Variants in DNAAF9 observed in about 807,000 individuals in gnomAD.
DNAAF9 encodes dynein axonemal assembly factor 9.
A neutral mutation model predicts 167.0 loss-of-function variants in DNAAF9; 90 were observed. The observed-to-expected ratio is 0.54, with a 90% confidence interval of 0.45 to 0.64. The LOEUF is 0.64. DNAAF9 is among the 30% of genes least tolerant of loss of function. DNAAF9 has a pLI of 0.00. For synonymous variants in DNAAF9, 491 were observed against 508.8 expected, an observed-to-expected ratio of 0.96 and a Z score of 0.47; for missense variants, 1,315 against 1,442.2, an observed-to-expected ratio of 0.91 and a Z score of 1.43.
At chr20:3,258,248 G>GGGCT (rs1204630789) in intron 33 of DNAAF9, among the ~76,000 whole-genome samples, 1 of 152,178 alleles carries the variant, frequency 6.6e-6, no homozygotes, top group African/African-American at 2.4e-5. Flanking sequence ...GAAGCAGCAG[G>GGGCT]GGCTGGCTGT....
chr20:3,259,419 T>G (rs1471206071), intron 33 of DNAAF9, 61 bp downstream of exon 33: 1 of 1,061,596 alleles, frequency 9.4e-7, no homozygotes, highest in East Asian at 2.4e-5. Flanking sequence ...GGCTCTGAAC[T>G]CACATCATGA....
chr20:3,354,906 G>T (rs2083263560), intron 7 of DNAAF9, among the ~76,000 whole-genome samples: 1 of 152,146 alleles, frequency 6.6e-6, no homozygotes, highest in Non-Finnish European at 1.5e-5. Flanking sequence ...TACAGCCCAT[G>T]GTGATCACCA....
At chr20:3,264,375 GTAAA>G in intron 31 of DNAAF9, 59 bp downstream of exon 31, 2 of 769,702 alleles carry the variant, frequency 2.6e-6, no homozygotes, top group East Asian at 2.6e-5. Context: ...TTTTTTTTCT[GTAAA>G]TAAATAAATC....
At chr20:3,289,739 T>C (rs999748028) in intron 26 of DNAAF9, among the ~76,000 whole-genome samples, 1 of 152,132 alleles carries the variant, frequency 6.6e-6, no homozygotes, top group African/African-American at 2.4e-5. Flanking sequence ...CTCAAATTCC[T>C]GGTCTCAGGC....
intron 8 of DNAAF9, 100 bp from the exon 9 acceptor site, chr20:3,343,831 A>C (rs957746387): frequency 1.2e-6 from 1 of 853,132 alleles, no homozygotes; most frequent in Non-Finnish European, 1.9e-6. Flanking sequence ...GCTTCAGGAG[A>C]GTGCACAGCG....
At chr20:3,344,590 TACACACACAC>T (rs4053351) in intron 8 of DNAAF9, among the ~76,000 whole-genome samples, 4,967 of 144,436 alleles carry the variant, frequency 0.034, 185 homozygotes, top group East Asian at 0.16. Context: ...TACACACACA[TACACACACAC>T]ACACACACAC....
chr20:3,332,822 G>C (rs1600802563), intron 10 of DNAAF9, among the ~76,000 whole-genome samples: 1 of 152,092 alleles, frequency 6.6e-6, no homozygotes, highest in African/African-American at 2.4e-5. Flanking sequence ...CAGGGGAAAA[G>C]ATGATCTTTA....
intron 6 of DNAAF9, among the ~76,000 whole-genome samples, chr20:3,369,363 C>T (rs1394700064): frequency 6.6e-6 from 1 of 151,430 alleles, no homozygotes; most frequent in East Asian, 1.9e-4. Context: ...GATCAGTCTT[C>T]TAACATTTAA....
intron 8 of DNAAF9, among the ~76,000 whole-genome samples, chr20:3,344,618 C>T (rs141349458): frequency 0.4 from 59,839 of 150,310 alleles, 12,053 homozygotes; most frequent in Middle Eastern, 0.54. Context: ...CACACACACA[C>T]ACACACACAC....
rs186748943 is a variant in DNAAF9 at position 3,376,613 on chromosome 20, G to A, written c.284-311C>T. On this transcript the variant is annotated intron_variant, in intron 3 of 36. Coordinates refer to ENST00000252032, the MANE Select transcript of DNAAF9 (RefSeq NM_001009984.3). ...TTTTAGACTTTTTAGGGAAACAGAAGTTACCAGCAGACATCAACCAACACA... is the reference window on the plus strand; with the variant it reads ...TTTTAGACTTTTTAGGGAAACAGAAATTACCAGCAGACATCAACCAACACA... 1.3e-4 allele frequency among the ~76,000 whole-genome samples: 20 copies of A among 152,350 alleles called. No homozygotes were observed. The East Asian group carries it at 3.7e-3, about 28-fold the overall frequency.
chr20:3,257,751 C>A (rs2068306791), intron 33 of DNAAF9, among the ~76,000 whole-genome samples: 1 of 151,906 alleles, frequency 6.6e-6, no homozygotes, highest in African/African-American at 2.4e-5. Context: ...GTTGCCCAAG[C>A]TGGAGTGCAG....
At position 3,344,639 on chromosome 20, in the gene DNAAF9, A is replaced by ACC. The variant is rs1555794339; in HGVS notation, c.790-910_790-909dup. ...CACACACACACACACACACACACAC[A>ACC]CCTCATGTAGTGAACTTAATAAATT... On this transcript the variant is annotated intron_variant, in intron 8 of 36. Coordinates refer to ENST00000252032, the MANE Select transcript of DNAAF9 (RefSeq NM_001009984.3). Among the ~76,000 whole-genome samples, 7 of 129,952 alleles carry ACC rather than the reference A, an allele frequency of 5.4e-5. No homozygotes were observed. In the East Asian group the frequency reaches 1.1e-3, roughly 21 times the overall value. 85.3% of individuals were successfully genotyped at this position (129,952 alleles called of 152,430 possible).
intron 17 of DNAAF9, among the ~76,000 whole-genome samples, 183 bp from the exon 18 acceptor site, chr20:3,316,976 C>T (rs1331595407): frequency 1.4e-5 from 2 of 143,062 alleles, no homozygotes; most frequent in African/African-American, 5.2e-5. Context: ...CTCACTGCAA[C>T]CTCTGCCTAG....
intron 25 of DNAAF9, among the ~76,000 whole-genome samples, chr20:3,290,523 G>C (rs1465599795): frequency 1.3e-5 from 2 of 152,156 alleles, no homozygotes; most frequent in Non-Finnish European, 2.9e-5. Flanking sequence ...ATTGTGAATA[G>C]ATTAGTTAAA....
chr20:3,315,759 A>C lies in DNAAF9; in HGVS notation c.1566T>G (p.Ser522=). 2 of 1,613,838 alleles carry C rather than the reference A, an allele frequency of 1.2e-6. No individual in the cohort carries two copies. Among genetic ancestry groups the C allele is most frequent in the Non-Finnish European group, 1.7e-6 (2 of 1,179,684 alleles). Reference sequence around the variant, plus strand: ...CCCTCACTGCTTGCTGGGTTTTCTCAGACAATTTTACTTCATTATCTTCCA... The same window carrying C: ...CCCTCACTGCTTGCTGGGTTTTCTCCGACAATTTTACTTCATTATCTTCCA... ...WLVEDNEVKL[S]EKTQQAVRGD... is the part of the protein sequence containing the mutation. Residue 522 remains serine, a synonymous_variant, in exon 19 of 37, where the codon TCT becomes TCG. Transcript: ENST00000252032. The surrounding 1 kb of genome is among the most constrained non-coding windows in gnomAD (Gnocchi z 4.1).
chr20:3,337,412 T>C (rs907020373), intron 10 of DNAAF9, among the ~76,000 whole-genome samples: 2 of 149,554 alleles, frequency 1.3e-5, no homozygotes, highest in Non-Finnish European at 3.0e-5. Context: ...TACAGGCATG[T>C]GCCACCACGC....
chr20:3,297,203 G>A (rs1024097036), intron 22 of DNAAF9, among the ~76,000 whole-genome samples: 2 of 152,138 alleles, frequency 1.3e-5, no homozygotes, highest in African/African-American at 4.8e-5. Context: ...GAAAGGGGTC[G>A]GGTAACACTG....
At chr20:3,279,686 G>A (rs911492141) in intron 28 of DNAAF9, among the ~76,000 whole-genome samples, 2 of 152,160 alleles carry the variant, frequency 1.3e-5, no homozygotes, top group Non-Finnish European at 2.9e-5. Flanking sequence ...TTGCTCTGTC[G>A]TCCTGTCTGC....
At chr20:3,330,110 G>C (rs1667894212) in intron 12 of DNAAF9, among the ~76,000 whole-genome samples, 1 of 152,196 alleles carries the variant, frequency 6.6e-6, no homozygotes, top group Admixed American at 6.5e-5. Context: ...AAATGCATGG[G>C]TGTGCAGGTA....
Sources: allele counts gnomAD v4.1 joint callset (sites outside exome capture counted in the v4.1 genomes callset), GRCh38; gene constraint gnomAD v4.1.1; non-coding constraint Gnocchi (gnomAD v3.1); transcripts MANE v1.5; gene names NCBI Gene and HGNC (gene_info 2026-07-23, HGNC 2026-07-21).